Variants in MIGA2 observed in about 807,000 individuals in gnomAD.
MIGA2 encodes mitoguardin 2, also known as family with sequence similarity 73, member B.
Under a neutral mutation model 69.9 loss-of-function variants are expected in MIGA2, and 36 were observed. The observed-to-expected ratio is 0.52, with a 90% confidence interval of 0.39 to 0.68. MIGA2 has a LOEUF of 0.68. MIGA2 is among the 30% of genes least tolerant of loss of function. The probability of loss-of-function intolerance (pLI) is 0.00; values close to 1 mark genes in which losing one functional copy is unlikely to be tolerated. For synonymous variants in MIGA2, 333 were observed against 349.2 expected, an observed-to-expected ratio of 0.95 and a Z score of 0.52; for missense variants, 660 against 787.7, an observed-to-expected ratio of 0.84 and a Z score of 1.94.
chr9:129,064,785 GT>G (rs775135561), intron 11 of MIGA2, among the ~76,000 whole-genome samples: 1,861 of 137,372 alleles, frequency 0.014, 39 homozygotes, highest in African/African-American at 0.043. Context: ...GCTCAATCTT[GT>G]TTTTTTTTTT....
chr9:129,048,568 C>A, intron 4 of MIGA2, 29 bp downstream of exon 4: 1 of 1,587,226 alleles, frequency 6.3e-7, no homozygotes, highest in Non-Finnish European at 8.7e-7. Context: ...GGCTCCAGGG[C>A]TCCAGGTCCG....
chr9:129,041,053 G>A (rs1233706293), intron 2 of MIGA2, among the ~76,000 whole-genome samples: 8 of 152,004 alleles, frequency 5.3e-5, no homozygotes, highest in Non-Finnish European at 1.2e-4. Context: ...TAGGCGGGTA[G>A]GCTGGGCACA....
intron 11 of MIGA2, among the ~76,000 whole-genome samples, chr9:129,065,084 C>T (rs115378732): frequency 0.018 from 2,719 of 150,912 alleles, 105 homozygotes; most frequent in Admixed American, 0.091. Flanking sequence ...CACCTGTCCT[C>T]AATCTTTTTT....
At chr9:129,052,609 A>G (rs969500227) in intron 6 of MIGA2, among the ~76,000 whole-genome samples, 8 of 152,070 alleles carry the variant, frequency 5.3e-5, no homozygotes, top group Admixed American at 2.6e-4. Flanking sequence ...GCGGAGGTAG[A>G]AGGAGGAGGG....
At chr9:129,057,352 C>T (rs1845847965) in intron 6 of MIGA2, among the ~76,000 whole-genome samples, 1 of 151,758 alleles carries the variant, frequency 6.6e-6, no homozygotes, top group African/African-American at 2.4e-5. Context: ...AGTGCAGTGG[C>T]TCTCGATCTC....
intron 1 of MIGA2, chr9:129,037,133 T>A: frequency 2.5e-6 from 2 of 814,238 alleles, no homozygotes; most frequent in Non-Finnish European, 3.0e-6. Context: ...AACGCGGGGA[T>A]GCCCGGTGCC....
chr9:129,044,301 C>T (rs1263214153), intron 3 of MIGA2, among the ~76,000 whole-genome samples: 2 of 151,648 alleles, frequency 1.3e-5, no homozygotes, highest in Non-Finnish European at 2.9e-5. Context: ...CCTTCTTCTA[C>T]TCTTTTTCCC....
chr9:129,041,459 A>C (rs1441243365), intron 2 of MIGA2, among the ~76,000 whole-genome samples: 1 of 151,874 alleles, frequency 6.6e-6, no homozygotes, highest in Non-Finnish European at 1.5e-5. Flanking sequence ...GCACCACTGC[A>C]CTCCAGCCTG....
rs745871362 is a variant in MIGA2 at position 129,042,410 on chromosome 9, G to A, written c.203G>A (p.Arg68Gln). The A allele has an allele frequency of 3.7e-6, 6 of 1,613,518 alleles. No individual in the cohort carries two copies. The highest frequency in any genetic ancestry group is 1.7e-4 in the Middle Eastern group (1 of 5,906). ...LALAAHQLKR[R>Q]RRRKKQVGPE... Reference sequence around the variant, plus strand: ...CTGGCTGCCCACCAGCTGAAGAGGCGACGGAGGAGGAAGAAGCAGGTTGGT... The same window carrying A: ...CTGGCTGCCCACCAGCTGAAGAGGCAACGGAGGAGGAAGAAGCAGGTTGGT... Residue 68 changes from arginine to glutamine, a missense_variant, in exon 3 of 16, where the codon CGA becomes CAA. This residue lies in a region of MIGA2 where 386 missense variants were observed against 402.0 expected (regional missense o/e 0.96). Transcript: ENST00000684074.
chr9:129,063,896 C>T lies in MIGA2; in HGVS notation c.1170+265C>T, dbSNP rs112208675. ...CACTGGGAGGGGTTTTCCCCAGCTG[C>T]GGAGGGTCCCATTGCGTGGAGAGCG... On this transcript the variant is annotated intron_variant, in intron 11 of 15. Coordinates refer to ENST00000684074, the MANE Select transcript of MIGA2 (RefSeq NM_001329990.2). Among the ~76,000 whole-genome samples the T allele has an allele frequency of 6.3e-3, 961 of 152,306 alleles. 9 individuals carry two copies. Among genetic ancestry groups the T allele is most frequent in the Non-Finnish European group, 7.1e-3 (485 of 68,026 alleles).
chr9:129,058,539 G>A (rs10988184), intron 6 of MIGA2, among the ~76,000 whole-genome samples: 2 of 122,872 alleles, frequency 1.6e-5, no homozygotes, highest in Non-Finnish European at 3.1e-5. Context: ...CTGTTCTGTC[G>A]CCCAGGCTAG....
At position 129,051,284 on chromosome 9, in the gene MIGA2, A is replaced by ATTTT. The variant is rs747480607; in HGVS notation, c.675+1329_675+1332dup. The ATTTT allele has an allele frequency of 1.8e-3, 296 of 160,912 alleles. 3 individuals carry two copies. The highest frequency in any genetic ancestry group is 6.9e-3 in the African/African-American group (254 of 36,612). The allele number at this position is 160,912 out of a possible 1,614,324, so 10.0% of individuals were successfully genotyped here. Reference sequence around the variant, plus strand: ...TATTTATTTATTTATTTATTTATTTATTTTTTTTTTTGGAGACGGAGTCTC... The same window carrying ATTTT: ...TATTTATTTATTTATTTATTTATTTATTTTTTTTTTTTTTTGGAGACGGAGTCTC... On this transcript the variant is annotated intron_variant, in intron 6 of 15. Transcript: ENST00000684074.
intron 3 of MIGA2, among the ~76,000 whole-genome samples, chr9:129,044,045 G>A (rs995112772): frequency 1.6e-4 from 24 of 150,770 alleles, no homozygotes; most frequent in African/African-American, 5.9e-4. Flanking sequence ...CCAGGCTGGA[G>A]TGCGGTGGTC....
intron 1 of MIGA2, among the ~76,000 whole-genome samples, chr9:129,038,643 A>C (rs1844724078): frequency 6.6e-6 from 1 of 152,110 alleles, no homozygotes; most frequent in Admixed American, 6.6e-5. Flanking sequence ...CTGAGCACAA[A>C]GTCTGACTCT....
rs143118428 is a variant in MIGA2 at position 129,048,536 on chromosome 9, C to T, written c.417C>T (p.Ala139=). Residue 139 remains alanine (A), a synonymous_variant, in exon 4 of 16, where the codon GCC becomes GCT. Transcript: ENST00000684074. ...SKHSGSSHSV[A]SMMAVNSSSP... ...ACTCGGGCTCCTCCCACAGTGTGGC[C>T]TCGGTGAGCAGCAGGTGCCAGGGCT... 75 of 1,613,536 alleles carry T rather than the reference C, an allele frequency of 4.6e-5. No homozygotes were observed. The African/African-American group carries it at 9.5e-4, about 20-fold the overall frequency.
intron 5 of MIGA2, 66 bp downstream of exon 5, chr9:129,049,564 G>C: frequency 6.6e-7 from 1 of 1,518,794 alleles, no homozygotes; most frequent in Non-Finnish European, 9.1e-7. Context: ...CTTCCTAGGA[G>C]CTTGGCCAGT....
chr9:129,056,592 C>T (rs767764652), intron 6 of MIGA2, among the ~76,000 whole-genome samples: 4 of 151,686 alleles, frequency 2.6e-5, no homozygotes, highest in Admixed American at 6.6e-5. Flanking sequence ...AATCTCGGCT[C>T]ACTGCTACCT....
In MIGA2 at chr9:129,068,508, C is replaced by T. The variant is rs1437498854; in HGVS notation, c.1404+176C>T. 8 of 765,436 alleles carry T rather than the reference C, an allele frequency of 1.0e-5. No homozygotes were observed. Among genetic ancestry groups the T allele is most frequent in the African/African-American group, 1.8e-5 (1 of 57,072 alleles). The allele number at this position is 765,436 out of a possible 1,614,324, so 47.4% of individuals were successfully genotyped here. A position where few individuals can be genotyped will look rare whatever the true frequency, so the allele number is the denominator to read the frequency against. ...CCCTGGAGAAGCCTCCAGGGTGCCC[C>T]GTTGCTGCCTGGTGCCCCAGTTTAG... On this transcript the variant is annotated intron_variant, in intron 13 of 15. Coordinates refer to ENST00000684074, the MANE Select transcript of MIGA2 (RefSeq NM_001329990.2). This position sits in a 1 kb window ranked among gnomAD's most constrained non-coding sequence, Gnocchi z 4.1.
rs954603209 is a variant in MIGA2 at position 129,070,538 on chromosome 9, C to A, written c.*85C>A. ...ATCTGACAGCTGTGGTGGCTGAGGG[C>A]CGTTGCCCCTGACTTTGCCCCACCC... On this transcript the variant is annotated 3_prime_UTR_variant, in exon 16 of 16. Transcript: ENST00000684074. 1.6e-5 allele frequency: 22 copies of A among 1,393,894 alleles called. No homozygotes were observed. The highest frequency in any genetic ancestry group is 2.6e-4 in the Middle Eastern group (1 of 3,862). 86.3% of individuals were successfully genotyped at this position (1,393,894 alleles called of 1,614,324 possible).
Sources: allele counts gnomAD v4.1 joint callset (sites outside exome capture counted in the v4.1 genomes callset), GRCh38; gene constraint gnomAD v4.1.1; regional missense constraint gnomAD v4.1.1; non-coding constraint Gnocchi (gnomAD v3.1); transcripts MANE v1.5; gene names NCBI Gene and HGNC (gene_info 2026-07-23, HGNC 2026-07-21).